The following CSMD1 variants were observed in gnomAD, a reference collection of about 807,000 sequenced individuals.
The protein encoded by CSMD1 is CUB and sushi domain-containing protein 1.
In CSMD1, 213 loss-of-function variants were observed where a neutral mutation model predicts 417.5. The observed-to-expected ratio is 0.51, with a 90% CI of 0.46 to 0.57. The LOEUF (loss-of-function observed/expected upper bound fraction) is 0.57, where lower values mean the gene tolerates loss of function less well. CSMD1 is among the 20% of genes least tolerant of loss of function. The probability of loss-of-function intolerance (pLI) is 0.00; values close to 1 mark genes in which losing one functional copy is unlikely to be tolerated. For missense variants in CSMD1, 6,923 were observed against 4,529.7 expected, an observed-to-expected ratio of 1.53 and a Z score of -15.17; for synonymous variants, 2,862 against 1,736.8, an observed-to-expected ratio of 1.65 and a Z score of -16.11.
intron 7 of CSMD1, among the ~76,000 whole-genome samples, chr8:3,637,062 G>T (rs907638692): frequency 1.3e-5 from 2 of 152,092 alleles, no homozygotes; most frequent in African/African-American, 4.8e-5. Flanking sequence ...CCAGAATCAG[G>T]ATCCTCATGC....
At chr8:4,130,451 G>A (rs1229806014) in intron 3 of CSMD1, among the ~76,000 whole-genome samples, 1 of 152,014 alleles carries the variant, frequency 6.6e-6, no homozygotes, top group Non-Finnish European at 1.5e-5. Flanking sequence ...AAAATTTCTG[G>A]TTCTGCCAAT....
At chr8:4,364,772 C>G (rs1228927888) in intron 3 of CSMD1, among the ~76,000 whole-genome samples, 1 of 16,526 alleles carries the variant, frequency 6.1e-5, no homozygotes, top group Non-Finnish European at 8.9e-5. Flanking sequence ...TTGCAGTGAG[C>G]CGAGATCCCG....
chr8:3,937,471 G>C (rs1469744685), intron 5 of CSMD1, among the ~76,000 whole-genome samples: 5 of 152,094 alleles, frequency 3.3e-5, no homozygotes, highest in Admixed American at 1.3e-4. Context: ...ATTGACGAAA[G>C]ACCTTCCACC....
At chr8:3,461,553 A>T (rs998754489) in intron 12 of CSMD1, among the ~76,000 whole-genome samples, 1 of 152,200 alleles carries the variant, frequency 6.6e-6, no homozygotes, top group Non-Finnish European at 1.5e-5. Flanking sequence ...GTGGTTGTAG[A>T]GAACCTGCTT....
intron 3 of CSMD1, among the ~76,000 whole-genome samples, chr8:4,254,556 T>C (rs1803315683): frequency 6.6e-6 from 1 of 152,160 alleles, no homozygotes; most frequent in African/African-American, 2.4e-5. Flanking sequence ...TACAGTAGTG[T>C]ACAGTCATGT....
chr8:3,758,964 T>G (rs1797834626), intron 5 of CSMD1, among the ~76,000 whole-genome samples: 2 of 152,196 alleles, frequency 1.3e-5, no homozygotes, highest in African/African-American at 4.8e-5. Context: ...CATTGAGGGC[T>G]TCACCCTCTT....
At chr8:4,079,988 T>C (rs1543905) in intron 3 of CSMD1, among the ~76,000 whole-genome samples, 108,963 of 150,958 alleles carry the variant, frequency 0.72, 40,108 homozygotes, top group South Asian at 0.82. Flanking sequence ...AAGAAAATTA[T>C]GTTCGAATAT....
intron 3 of CSMD1, among the ~76,000 whole-genome samples, chr8:4,237,512 T>C (rs1278612680): frequency 6.7e-6 from 1 of 150,090 alleles, no homozygotes; most frequent in East Asian, 2.0e-4. Flanking sequence ...TTGAACATGA[T>C]GCTATACTGC....
At chr8:4,349,310 C>A (rs1800953006) in intron 3 of CSMD1, among the ~76,000 whole-genome samples, 1 of 152,156 alleles carries the variant, frequency 6.6e-6, no homozygotes, top group South Asian at 2.1e-4. Context: ...TTTTTCTACA[C>A]TCTAAGACCT....
intron 50 of CSMD1, among the ~76,000 whole-genome samples, chr8:3,031,229 C>T (rs1378060867): frequency 6.7e-6 from 1 of 148,950 alleles, no homozygotes; most frequent in Non-Finnish European, 1.5e-5. Context: ...AAAACATGCA[C>T]CGCATGTTCT....
chr8:4,562,636 A>T (rs1423686679), intron 2 of CSMD1, among the ~76,000 whole-genome samples: 1 of 152,168 alleles, frequency 6.6e-6, no homozygotes, highest in African/African-American at 2.4e-5. Flanking sequence ...ACACATCAGA[A>T]ATGTCAGATT....
chr8:4,317,770 A>C (rs1317427890), intron 3 of CSMD1, among the ~76,000 whole-genome samples: 1 of 152,174 alleles, frequency 6.6e-6, no homozygotes, highest in Non-Finnish European at 1.5e-5. Flanking sequence ...ACACTGCCCC[A>C]GAAGTTTTCT....
intron 3 of CSMD1, among the ~76,000 whole-genome samples, chr8:4,369,390 T>G (rs1305202767): frequency 6.6e-6 from 1 of 152,212 alleles, no homozygotes; most frequent in Non-Finnish European, 1.5e-5. Flanking sequence ...CTGTGTGCCA[T>G]GTGCAGGTAA....
intron 7 of CSMD1, among the ~76,000 whole-genome samples, chr8:3,657,615 T>A (rs1365528844): frequency 1.3e-5 from 2 of 152,102 alleles, no homozygotes; most frequent in Non-Finnish European, 2.9e-5. Context: ...AAACACTGCA[T>A]ATTCTCACTC....
intron 26 of CSMD1, among the ~76,000 whole-genome samples, chr8:3,249,214 T>C (rs188560209): frequency 7.2e-5 from 11 of 152,280 alleles, no homozygotes; most frequent in Non-Finnish European, 1.3e-4. Flanking sequence ...TGAGTTCTTT[T>C]TGTTGCTGCT....
At chr8:4,537,273 A>T (rs1797145582) in intron 2 of CSMD1, among the ~76,000 whole-genome samples, 1 of 152,214 alleles carries the variant, frequency 6.6e-6, no homozygotes, top group East Asian at 1.9e-4. Flanking sequence ...GAAATAAATT[A>T]TCCATCTGGT....
chr8:4,040,153 T>C (rs1013364146), intron 3 of CSMD1, among the ~76,000 whole-genome samples: 2 of 152,194 alleles, frequency 1.3e-5, no homozygotes, highest in African/African-American at 4.8e-5. Context: ...GTCAAGGCTA[T>C]TAATGAAATG....
At chr8:2,966,185 T>C (rs142631371) in intron 58 of CSMD1, among the ~76,000 whole-genome samples, 1 of 152,204 alleles carries the variant, frequency 6.6e-6, no homozygotes, top group Non-Finnish European at 1.5e-5. Context: ...GGCTGTCAGA[T>C]GCTGACTTCC....
chr8:4,120,147 A>T (rs1802399083), intron 3 of CSMD1, among the ~76,000 whole-genome samples: 1 of 152,208 alleles, frequency 6.6e-6, no homozygotes, highest in African/African-American at 2.4e-5. Flanking sequence ...GCATGCCTGT[A>T]TCAAAACATC....
Sources: allele counts gnomAD v4.1 joint callset (sites outside exome capture counted in the v4.1 genomes callset), GRCh38; gene constraint gnomAD v4.1.1; transcripts MANE v1.5; gene names NCBI Gene and HGNC (gene_info 2026-07-23, HGNC 2026-07-21).